The following HDHD2 variants were observed in gnomAD, a reference collection of about 807,000 sequenced individuals.
The protein encoded by HDHD2 is haloacid dehalogenase-like hydrolase domain-containing protein 2.
In HDHD2, 26 loss-of-function variants were observed where a neutral mutation model predicts 24.8. The observed-to-expected ratio is 1.05, with a 90% confidence interval of 0.77 to 1.45. HDHD2 has a LOEUF of 1.45. Among genes scored for constraint, HDHD2 ranks in the 40% most tolerant of loss-of-function variants. The probability of loss-of-function intolerance (pLI) is 0.00; values close to 1 mark genes in which losing one functional copy is unlikely to be tolerated. For synonymous variants in HDHD2, 128 were observed against 114.9 expected (o/e 1.11, Z -0.73); for missense variants, 299 against 313.4 (o/e 0.95, Z 0.35).
Position 47,138,171 on chromosome 18 carries a change from CAAAAAAAAAAAA to C in HDHD2, c.-10-1734_-10-1723del, listed in dbSNP as rs58644217. ...TGGGCGATAGTGTGAGATTCTGTCG[CAAAAAAAAAAAA>C]AAAAAAAAAAAAAAAAAGATTCCTT... On this transcript the variant is annotated intron_variant, in intron 1 of 6. Coordinates refer to ENST00000300605, the MANE Select transcript of HDHD2 (RefSeq NM_032124.5). Among the ~76,000 whole-genome samples the C allele has an allele frequency of 3.0e-3, 164 of 54,946 alleles. 1 individual carries two copies. Among genetic ancestry groups the C allele is most frequent in the Middle Eastern group, 0.02 (1 of 50 alleles). The allele number at this position is 54,946 out of a possible 152,430, so 36.0% of individuals were successfully genotyped here. A position where few individuals can be genotyped will look rare whatever the true frequency, so the allele number is the denominator to read the frequency against.
intron 4 of HDHD2, among the ~76,000 whole-genome samples, chr18:47,120,875 CACA>C (rs993764416): frequency 2.6e-5 from 4 of 152,120 alleles, no homozygotes; most frequent in African/African-American, 9.7e-5. Flanking sequence ...TCAGAACACA[CACA>C]ACATTAAATT....
chr18:47,149,832 G>A (rs1022079405), intron 1 of HDHD2, among the ~76,000 whole-genome samples: 3 of 152,248 alleles, frequency 2.0e-5, no homozygotes, highest in Admixed American at 2.0e-4. Flanking sequence ...GTTAAGCTCT[G>A]TGCATAAGGG....
rs552926261 is a variant in HDHD2, at chr18:47,114,072, C to G, written c.613-1032G>C. On this transcript the variant is annotated intron_variant, in intron 5 of 6. Transcript: ENST00000300605. The stretch of plus-strand genomic sequence containing the variant: ...CCTGGGATAAAGAATTCTGAAGGCT[C>G]CAGCTCAGATAACCACTTTTTTAGA... 6.6e-5 allele frequency among the ~76,000 whole-genome samples: 10 copies of G among 152,292 alleles called. No homozygotes were observed. In the East Asian group the frequency reaches 1.9e-3, roughly 29 times the overall value.
intron 6 of HDHD2, chr18:47,111,025 C>T (rs1325086747): frequency 1.0e-6 from 1 of 984,986 alleles, no homozygotes; most frequent in Non-Finnish European, 1.2e-6. Flanking sequence ...AGCACTTGTC[C>T]ACTGCACTGA....
At chr18:47,134,814 C>G (rs772892557) in intron 2 of HDHD2, 110 bp from the exon 3 acceptor site, 3 of 797,030 alleles carry the variant, frequency 3.8e-6, no homozygotes, top group Non-Finnish European at 6.2e-6. Flanking sequence ...AGCAACATGA[C>G]AATGTGTAGC....
intron 4 of HDHD2, among the ~76,000 whole-genome samples, chr18:47,123,692 T>C (rs2063628983): frequency 6.6e-6 from 1 of 151,932 alleles, no homozygotes; most frequent in African/African-American, 2.4e-5. Context: ...TATAAAACAC[T>C]GATGACAGCA....
intron 1 of HDHD2, among the ~76,000 whole-genome samples, chr18:47,143,832 G>A (rs1264576453): frequency 6.6e-6 from 1 of 152,094 alleles, no homozygotes; most frequent in Non-Finnish European, 1.5e-5. Flanking sequence ...CAAAGAACAT[G>A]TACTAGCTCA....
intron 1 of HDHD2, among the ~76,000 whole-genome samples, chr18:47,149,723 T>C (rs1412019252): frequency 1.3e-5 from 2 of 152,078 alleles, no homozygotes; most frequent in African/African-American, 4.8e-5. Context: ...CTCCTCTGGG[T>C]CCAACTCCTT....
intron 4 of HDHD2, among the ~76,000 whole-genome samples, chr18:47,127,413 C>T (rs943231924): frequency 2.6e-5 from 4 of 152,026 alleles, no homozygotes; most frequent in East Asian, 1.9e-4. Flanking sequence ...TGTTAACTGT[C>T]GTTCTCTTTA....
intron 1 of HDHD2, among the ~76,000 whole-genome samples, chr18:47,138,120 C>A (rs1206701622): frequency 7.6e-6 from 1 of 131,924 alleles, no homozygotes; most frequent in African/African-American, 2.9e-5. Flanking sequence ...TGCAGTGAGC[C>A]GAGATCGCAC....
In HDHD2 at chr18:47,134,714, GC is replaced by G. The variant is rs746512858; in HGVS notation, c.102-11del. On this transcript the variant is annotated splice_polypyrimidine_tract_variant and intron_variant, in intron 2 of 6. Coordinates refer to ENST00000300605, the MANE Select transcript of HDHD2 (RefSeq NM_032124.5). ...AGAAGCACCACGTAACCTGGAGAGG[GC>G]CAAATTCAGAAGTCAAAAGGCAGCT... The G allele has an allele frequency of 1.7e-5, 28 of 1,607,598 alleles. No individual in the cohort carries two copies. The highest frequency in any genetic ancestry group is 2.3e-5 in the Non-Finnish European group (27 of 1,175,722).
At chr18:47,120,666 C>T (rs773025666) in intron 4 of HDHD2, among the ~76,000 whole-genome samples, 10 of 152,168 alleles carry the variant, frequency 6.6e-5, no homozygotes, top group South Asian at 2.1e-4. Context: ...CAGCCTATCT[C>T]GGCTTTCGAC....
intron 1 of HDHD2, among the ~76,000 whole-genome samples, chr18:47,147,117 C>T (rs1207313504): frequency 6.6e-6 from 1 of 152,088 alleles, no homozygotes; most frequent in Non-Finnish European, 1.5e-5. Flanking sequence ...GTAGTCCAGA[C>T]AATTACTATA....
chr18:47,140,787 G>A (rs2063812785), intron 1 of HDHD2, among the ~76,000 whole-genome samples: 1 of 152,044 alleles, frequency 6.6e-6, no homozygotes, highest in Non-Finnish European at 1.5e-5. Context: ...AAAGTGCTGA[G>A]ATTACAGGTG....
At chr18:47,122,386 T>C (rs756397255) in intron 4 of HDHD2, among the ~76,000 whole-genome samples, 4 of 152,148 alleles carry the variant, frequency 2.6e-5, no homozygotes, top group East Asian at 1.9e-4. Flanking sequence ...CCTATGTATA[T>C]AGGATGTTTA....
At position 47,107,758 on chromosome 18, in the gene HDHD2, T is replaced by G. The variant is rs1197317555; in HGVS notation, c.*924A>C. On this transcript the variant is annotated 3_prime_UTR_variant, in exon 7 of 7. Coordinates refer to ENST00000300605, the MANE Select transcript of HDHD2 (RefSeq NM_032124.5). ...AAAAGCTTGAATCTGTCCCAATAGC[T>G]TCTAAAAAATTTTTCCCATAGTGTC... 2 of 152,594 alleles carry G rather than the reference T, an allele frequency of 1.3e-5. No individual in the cohort carries two copies. The highest frequency in any genetic ancestry group is 2.9e-5 in the Non-Finnish European group (2 of 68,028). The allele number at this position is 152,594 out of a possible 1,614,324, so 9.5% of individuals were successfully genotyped here.
At position 47,136,191 on chromosome 18, in the gene HDHD2, T is replaced by C. The variant is rs1568057772; in HGVS notation, c.101+148A>G. The C allele has an allele frequency of 3.3e-6, 3 of 918,420 alleles. No individual in the cohort carries two copies. The East Asian group carries it at 8.3e-5, about 25-fold the overall frequency. 56.9% of individuals were successfully genotyped at this position (918,420 alleles called of 1,614,324 possible). A position where few individuals can be genotyped will look rare whatever the true frequency, so the allele number is the denominator to read the frequency against. ...AATGTTTGGAAGAAATTGTAATGCATACATCTTCTAGCTAAACCCAAGGCA... is the reference window on the plus strand; with the variant it reads ...AATGTTTGGAAGAAATTGTAATGCACACATCTTCTAGCTAAACCCAAGGCA... On this transcript the variant is annotated intron_variant, in intron 2 of 6. Coordinates refer to ENST00000300605, the MANE Select transcript of HDHD2 (RefSeq NM_032124.5).
Position 47,130,336 on chromosome 18 carries a change from C to T in HDHD2, c.311-8G>A, listed in dbSNP as rs376819851. 46 of 1,533,140 alleles carry T rather than the reference C, an allele frequency of 3.0e-5. No homozygotes were observed. The African/African-American group carries it at 4.1e-4, about 14-fold the overall frequency. The allele number at this position is 1,533,140 out of a possible 1,614,324, so 95.0% of individuals were successfully genotyped here. ...GATCACTTGTTTGTATTCCTGGGAA[C>T]GGAAAAAAAAAATGATTGTTGCAAA... is the stretch of plus-strand genomic sequence containing the variant. On this transcript the variant is annotated splice_region_variant and splice_polypyrimidine_tract_variant and intron_variant, in intron 3 of 6. Transcript: ENST00000300605.
intron 1 of HDHD2, among the ~76,000 whole-genome samples, chr18:47,140,689 A>AT (rs921848160): frequency 2.6e-5 from 4 of 151,576 alleles, no homozygotes; most frequent in Non-Finnish European, 5.9e-5. Context: ...TGGCTAATTT[A>AT]TTTTTTCTGT....
Sources: allele counts gnomAD v4.1 joint callset (sites outside exome capture counted in the v4.1 genomes callset), GRCh38; gene constraint gnomAD v4.1.1; transcripts MANE v1.5; gene names NCBI Gene and HGNC (gene_info 2026-07-23, HGNC 2026-07-21).